Variants in CTNND2 observed in about 807,000 individuals in gnomAD.
CTNND2 encodes the protein catenin delta-2.
CTNND2 carries 22 observed loss-of-function variants against 144.4 expected under a neutral mutation model. The observed-to-expected ratio is 0.15, with a 90% CI of 0.11 to 0.22. The LOEUF (loss-of-function observed/expected upper bound fraction) is 0.22, where lower values mean the gene tolerates loss of function less well. Ranked by LOEUF, CTNND2 falls within the 10% of genes least tolerant of loss-of-function variation. The pLI is 1.00. For missense variants in CTNND2, 1,353 were observed against 1,618.8 expected (o/e 0.84, Z 2.82); for synonymous variants, 751 against 695.6 (o/e 1.08, Z -1.25).
chr5:11,616,275 T>C (rs1780575663), intron 2 of CTNND2, among the ~76,000 whole-genome samples: 1 of 152,250 alleles, frequency 6.6e-6, no homozygotes, highest in Non-Finnish European at 1.5e-5. Flanking sequence ...TGATCTACTA[T>C]GACTTTGTCA....
intron 2 of CTNND2, among the ~76,000 whole-genome samples, chr5:11,724,698 T>C (rs1409882003): frequency 2.0e-5 from 3 of 152,200 alleles, no homozygotes; most frequent in Admixed American, 6.5e-5. Flanking sequence ...TACGGCAGTG[T>C]CAAAACTATA....
intron 1 of CTNND2, among the ~76,000 whole-genome samples, chr5:11,868,423 G>T (rs906667241): frequency 2.0e-5 from 3 of 152,146 alleles, no homozygotes; most frequent in Admixed American, 2.0e-4. Context: ...ATGATCTTTG[G>T]TGTTAAATGA....
At chr5:11,612,343 C>G (rs1163436667) in intron 2 of CTNND2, among the ~76,000 whole-genome samples, 5 of 152,144 alleles carry the variant, frequency 3.3e-5, no homozygotes, top group African/African-American at 1.2e-4. Context: ...CAAAGTGTTG[C>G]AGAAGTAAGA....
Position 11,771,222 on chromosome 5 carries a change from C to G in CTNND2, c.38-38950G>C, listed in dbSNP as rs1789916737. Among the ~76,000 whole-genome samples the G allele has an allele frequency of 5.2e-5, 3 of 57,418 alleles. 1 individual carries two copies. Among genetic ancestry groups the G allele is most frequent in the Non-Finnish European group, 9.8e-5 (3 of 30,652 alleles). 37.7% of individuals were successfully genotyped at this position (57,418 alleles called of 152,430 possible). A position where few individuals can be genotyped will look rare whatever the true frequency, so the allele number is the denominator to read the frequency against. ...TTTTTTTTTTTTTGGGATGGAGTCT[C>G]GCCCTGTCTCCCAGGCTGGAGTGCA... On this transcript the variant is annotated intron_variant, in intron 1 of 21. Coordinates refer to ENST00000304623, the MANE Select transcript of CTNND2 (RefSeq NM_001332.4).
At chr5:11,497,004 C>A (rs1770017174) in intron 3 of CTNND2, among the ~76,000 whole-genome samples, 1 of 152,198 alleles carries the variant, frequency 6.6e-6, no homozygotes, top group South Asian at 2.1e-4. Flanking sequence ...ATTATCTCCT[C>A]AAAAATTTGG....
intron 2 of CTNND2, among the ~76,000 whole-genome samples, chr5:11,659,980 C>T (rs1163270943): frequency 6.6e-6 from 1 of 152,080 alleles, no homozygotes; most frequent in East Asian, 1.9e-4. Context: ...ATATTGGATA[C>T]TTATCCTGAA....
chr5:11,211,282 G>C (rs1738601881), intron 10 of CTNND2, among the ~76,000 whole-genome samples: 1 of 152,164 alleles, frequency 6.6e-6, no homozygotes, highest in Non-Finnish European at 1.5e-5. Context: ...GGGGCTGGGG[G>C]AGGCGAGATG....
At chr5:11,795,057 G>T (rs1292943471) in intron 1 of CTNND2, among the ~76,000 whole-genome samples, 1 of 151,878 alleles carries the variant, frequency 6.6e-6, no homozygotes, top group Non-Finnish European at 1.5e-5. Context: ...AAATTAAAAC[G>T]TTCTTCAGGG....
At chr5:11,390,673 C>T (rs1188340574) in intron 6 of CTNND2, among the ~76,000 whole-genome samples, 1 of 152,158 alleles carries the variant, frequency 6.6e-6, no homozygotes, top group African/African-American at 2.4e-5. Flanking sequence ...GGACAGGAGG[C>T]CTATTTGCCC....
Position 11,123,974 on chromosome 5 carries a change from G to A in CTNND2, c.2160-6407C>T, listed in dbSNP as rs1754398826. Among the ~76,000 whole-genome samples, 3 of 152,178 alleles carry A rather than the reference G, an allele frequency of 2.0e-5. No homozygotes were observed. In the South Asian group the frequency reaches 6.2e-4, roughly 32 times the overall value. On this transcript the variant is annotated intron_variant, in intron 12 of 21. Transcript: ENST00000304623. ...GACCAATGGCCATCAGCTTCTAACA[G>A]TCAACCAGCAAATGATGGGAAATAA...
At chr5:11,072,135 T>C (rs1231001964) in intron 16 of CTNND2, among the ~76,000 whole-genome samples, 1 of 152,214 alleles carries the variant, frequency 6.6e-6, no homozygotes, top group Admixed American at 6.5e-5. Context: ...TAACTTTCCT[T>C]TCTGACCAAT....
chr5:11,176,878 T>G (rs1380588145), intron 11 of CTNND2, among the ~76,000 whole-genome samples: 19 of 152,192 alleles, frequency 1.2e-4, no homozygotes, highest in Non-Finnish European at 2.9e-5. Context: ...TTCATGGCAC[T>G]GCCCTACTCA....
At position 11,183,360 on chromosome 5, in the gene CTNND2, A is replaced by G. The variant is rs1448424997; in HGVS notation, c.1975+16088T>C. On this transcript the variant is annotated intron_variant, in intron 11 of 21. Transcript: ENST00000304623. ...GGCATGGAAAGTAAGGCATATTAAC[A>G]TGCCCCTCCACCCATACGTGTCCTT... Among the ~76,000 whole-genome samples the G allele has an allele frequency of 2.6e-5, 4 of 152,312 alleles. No homozygotes were observed. The East Asian group carries it at 7.7e-4, about 29-fold the overall frequency.
At chr5:11,468,796 C>G (rs1158359414) in intron 3 of CTNND2, among the ~76,000 whole-genome samples, 1 of 152,130 alleles carries the variant, frequency 6.6e-6, no homozygotes, top group East Asian at 1.9e-4. Flanking sequence ...ACTCACTCAT[C>G]TTGTCACCTG....
chr5:11,152,887 G>T (rs1371812772), intron 12 of CTNND2, among the ~76,000 whole-genome samples: 3 of 152,170 alleles, frequency 2.0e-5, no homozygotes, highest in African/African-American at 7.2e-5. Context: ...TGGGAAAATG[G>T]GGTGGAGTGG....
intron 2 of CTNND2, among the ~76,000 whole-genome samples, chr5:11,638,406 C>T (rs1781821849): frequency 6.6e-6 from 1 of 152,202 alleles, no homozygotes; most frequent in Non-Finnish European, 1.5e-5. Flanking sequence ...TAAGAAATAA[C>T]TGGTACTGCA....
At chr5:11,625,862 G>A (rs574415731) in intron 2 of CTNND2, among the ~76,000 whole-genome samples, 1 of 152,212 alleles carries the variant, frequency 6.6e-6, no homozygotes, top group African/African-American at 2.4e-5. Context: ...AAATTGGTCA[G>A]TATTACAATT....
chr5:11,081,121 C>T (rs1749528590), intron 16 of CTNND2, among the ~76,000 whole-genome samples: 1 of 151,752 alleles, frequency 6.6e-6, no homozygotes, highest in Admixed American at 6.6e-5. Flanking sequence ...CACACACACA[C>T]AAACATGCTT....
At chr5:11,597,895 G>A (rs1319387111) in intron 2 of CTNND2, among the ~76,000 whole-genome samples, 1 of 152,174 alleles carries the variant, frequency 6.6e-6, no homozygotes, top group Non-Finnish European at 1.5e-5. Context: ...TAATAACAAT[G>A]AAGATAAGTA....
Sources: allele counts gnomAD v4.1 joint callset (sites outside exome capture counted in the v4.1 genomes callset), GRCh38; gene constraint gnomAD v4.1.1; transcripts MANE v1.5; gene names NCBI Gene and HGNC (gene_info 2026-07-23, HGNC 2026-07-21).